Variants in GRM7 observed in about 807,000 individuals in gnomAD.
GRM7 encodes metabotropic glutamate receptor 7.
A neutral mutation model predicts 84.5 loss-of-function variants in GRM7; 35 were observed. That is an observed-to-expected ratio of 0.41 (90% CI 0.32 to 0.55). The LOEUF (loss-of-function observed/expected upper bound fraction) is 0.55, where lower values mean the gene tolerates loss of function less well. GRM7 is among the 20% of genes least tolerant of loss of function. The probability of loss-of-function intolerance (pLI) is 0.19; values close to 1 mark genes in which losing one functional copy is unlikely to be tolerated. For missense variants in GRM7, 1,003 were observed against 1,194.6 expected, an observed-to-expected ratio of 0.84 and a Z score of 2.36; for synonymous variants, 487 against 455.1, an observed-to-expected ratio of 1.07 and a Z score of -0.89.
chr3:6,897,430 C>G (rs185717294), intron 1 of GRM7, among the ~76,000 whole-genome samples: 1 of 152,190 alleles, frequency 6.6e-6, no homozygotes, highest in South Asian at 2.1e-4. Flanking sequence ...CAGTTTAGAT[C>G]TAGAGCTTAA....
chr3:7,123,252 A>T (rs1693283839), intron 1 of GRM7, among the ~76,000 whole-genome samples: 1 of 152,226 alleles, frequency 6.6e-6, no homozygotes, highest in Non-Finnish European at 1.5e-5. Context: ...GTGACCAATG[A>T]TGGGGAGGTC....
intron 9 of GRM7, among the ~76,000 whole-genome samples, chr3:7,696,394 A>G (rs919928627): frequency 1.3e-5 from 2 of 152,186 alleles, no homozygotes; most frequent in African/African-American, 4.8e-5. Context: ...GCAAGATGGC[A>G]AGTTTGTTTG....
chr3:7,298,888 G>A (rs1245598325), intron 3 of GRM7, 63 bp downstream of exon 3: 10 of 1,399,628 alleles, frequency 7.1e-6, no homozygotes, highest in South Asian at 5.8e-5. Flanking sequence ...AGAAAGATTA[G>A]GCTGCTGGCT....
At chr3:7,231,394 A>T (rs575438959) in intron 2 of GRM7, among the ~76,000 whole-genome samples, 1 of 152,320 alleles carries the variant, frequency 6.6e-6, no homozygotes, top group East Asian at 1.9e-4. Context: ...ACAGATGAAC[A>T]TATGGCATTC....
In GRM7 at chr3:7,298,943, C is replaced by T. The variant is rs573128630; in HGVS notation, c.878+118C>T. The T allele has an allele frequency of 6.9e-5, 64 of 921,120 alleles. 2 individuals carry two copies. In the African/African-American group the frequency reaches 7.0e-4, roughly 10 times the overall value. The allele number at this position is 921,120 out of a possible 1,614,324, so 57.1% of individuals were successfully genotyped here. A position where few individuals can be genotyped will look rare whatever the true frequency, so the allele number is the denominator to read the frequency against. ...TAAGATCAAAGCTGTAATCATACAG[C>T]GGCGAAGTCTGTGCTTGCCTCTACC... On this transcript the variant is annotated intron_variant, in intron 3 of 9. Transcript: ENST00000357716.
In GRM7 at chr3:6,919,988, CAATTTTTATAAAGTTGAA is replaced by C. The variant is rs561899396; in HGVS notation, c.519+58082_519+58099del. 4.8e-3 allele frequency among the ~76,000 whole-genome samples: 729 copies of C among 152,194 alleles called. 8 individuals carry two copies. Among genetic ancestry groups the C allele is most frequent in the South Asian group, 0.042 (202 of 4,822 alleles). On this transcript the variant is annotated intron_variant, in intron 1 of 9. Transcript: ENST00000357716. ...AATTATTAAGCAAATGTTTGCCATA[CAATTTTTATAAAGTTGAA>C]TATAACACAGTGGTTAAGACTTAGG... is the stretch of plus-strand genomic sequence containing the variant.
chr3:6,917,494 CTTTTT>C (rs35883512), intron 1 of GRM7, among the ~76,000 whole-genome samples: 2 of 126,360 alleles, frequency 1.6e-5, no homozygotes, highest in Admixed American at 7.9e-5. Context: ...TTGTTAATTG[CTTTTT>C]TTTTTTTTTT....
intron 1 of GRM7, among the ~76,000 whole-genome samples, chr3:7,022,965 T>TATATATATAAATATATATATA (rs1241084234): frequency 7.9e-5 from 12 of 152,152 alleles, no homozygotes; most frequent in Non-Finnish European, 1.8e-4. Flanking sequence ...TATACCCTTT[T>TATATATATAAATATATATATA]TCACAGGGGA....
chr3:7,161,886 T>G (rs959563329), intron 2 of GRM7, among the ~76,000 whole-genome samples: 3 of 152,194 alleles, frequency 2.0e-5, no homozygotes, highest in African/African-American at 7.2e-5. Context: ...TTTGTGTTGC[T>G]TACATTATAT....
At chr3:7,067,605 G>T (rs1697714641) in intron 1 of GRM7, among the ~76,000 whole-genome samples, 2 of 151,944 alleles carry the variant, frequency 1.3e-5, no homozygotes, top group African/African-American at 4.8e-5. Flanking sequence ...TACTCTGGTT[G>T]TTGGCAGGCA....
intron 1 of GRM7, among the ~76,000 whole-genome samples, chr3:7,075,608 C>T (rs2124989723): frequency 6.6e-6 from 1 of 151,814 alleles, no homozygotes; most frequent in South Asian, 2.1e-4. Context: ...TTACTGCAGC[C>T]TCCGGCTCCT....
At chr3:7,591,486 T>C (rs1156815010) in intron 8 of GRM7, 2 of 445,606 alleles carry the variant, frequency 4.5e-6, no homozygotes, top group South Asian at 3.3e-5. Flanking sequence ...ATCAAAAGCT[T>C]TTAGAATATG....
chr3:7,410,250 A>T (rs1260005557), intron 4 of GRM7, among the ~76,000 whole-genome samples: 1 of 152,150 alleles, frequency 6.6e-6, no homozygotes, highest in Non-Finnish European at 1.5e-5. Context: ...TTTCAAGTAA[A>T]ATCTTCTGGC....
intron 4 of GRM7, among the ~76,000 whole-genome samples, chr3:7,334,490 GAAAAACAAAAAC>G (rs201582580): frequency 5.4e-5 from 8 of 148,248 alleles, no homozygotes; most frequent in African/African-American, 1.3e-4. Context: ...AAAAAAAATA[GAAAAACAAAAAC>G]AAAAACAAAA....
chr3:6,926,459 G>A (rs1004425425), intron 1 of GRM7, among the ~76,000 whole-genome samples: 1 of 152,190 alleles, frequency 6.6e-6, no homozygotes, highest in African/African-American at 2.4e-5. Flanking sequence ...CAAAACTCCT[G>A]AATGTTAGCT....
At chr3:7,565,334 T>C (rs1694211359) in intron 7 of GRM7, among the ~76,000 whole-genome samples, 1 of 152,212 alleles carries the variant, frequency 6.6e-6, no homozygotes, top group Non-Finnish European at 1.5e-5. Flanking sequence ...GGATGGAGGC[T>C]GTGCTCTCAT....
chr3:6,864,538 G>A (rs1694877649), intron 1 of GRM7, among the ~76,000 whole-genome samples: 2 of 152,154 alleles, frequency 1.3e-5, no homozygotes, highest in African/African-American at 2.4e-5. Flanking sequence ...GGGATTTCTA[G>A]GTTCAGTTCA....
chr3:7,712,549 T>C (rs1320383260), intron 9 of GRM7, among the ~76,000 whole-genome samples: 1 of 152,130 alleles, frequency 6.6e-6, no homozygotes, highest in East Asian at 1.9e-4. Context: ...TAAGTACCTT[T>C]TCACTTAATA....
chr3:7,036,109 A>G (rs892940457), intron 1 of GRM7, among the ~76,000 whole-genome samples: 1 of 152,208 alleles, frequency 6.6e-6, no homozygotes, highest in African/African-American at 2.4e-5. Context: ...ATAAATGTAT[A>G]TCTTGAAGAC....
Sources: allele counts gnomAD v4.1 joint callset (sites outside exome capture counted in the v4.1 genomes callset), GRCh38; gene constraint gnomAD v4.1.1; transcripts MANE v1.5; gene names NCBI Gene and HGNC (gene_info 2026-07-23, HGNC 2026-07-21).